The following KCNQ5 variants were observed in gnomAD, a reference collection of about 807,000 sequenced individuals.
The protein encoded by KCNQ5 is potassium voltage-gated channel subfamily KQT member 5.
A neutral mutation model predicts 98.2 loss-of-function variants in KCNQ5; 30 were observed. That is an observed-to-expected ratio of 0.31 (90% confidence interval 0.23 to 0.41). The LOEUF is 0.41. Among genes scored for constraint, KCNQ5 ranks in the 10% least tolerant of loss-of-function variants. KCNQ5 has a pLI of 1.00. For synonymous variants in KCNQ5, 458 were observed against 449.4 expected (o/e 1.02, Z -0.24); for missense variants, 835 against 1,182.5 (o/e 0.71, Z 4.31).
At chr6:72,672,237 T>A (rs1225931715) in intron 1 of KCNQ5, among the ~76,000 whole-genome samples, 2 of 150,494 alleles carry the variant, frequency 1.3e-5, no homozygotes, top group Non-Finnish European at 3.0e-5. Flanking sequence ...TGCCTCAGCC[T>A]CCCAAGTCCA....
At chr6:72,685,189 C>A (rs1187844598) in intron 1 of KCNQ5, among the ~76,000 whole-genome samples, 1 of 152,116 alleles carries the variant, frequency 6.6e-6, no homozygotes, top group Non-Finnish European at 1.5e-5. Context: ...ATTTTAGTAA[C>A]CTGTATTGAA....
At chr6:72,752,149 G>A (rs1343368415) in intron 1 of KCNQ5, among the ~76,000 whole-genome samples, 2 of 152,106 alleles carry the variant, frequency 1.3e-5, no homozygotes, top group Non-Finnish European at 2.9e-5. Context: ...CCCAAATCAG[G>A]TGCTGGGTGT....
chr6:73,025,164 T>A (rs1387186434), intron 2 of KCNQ5, among the ~76,000 whole-genome samples: 1 of 152,244 alleles, frequency 6.6e-6, no homozygotes, highest in African/African-American at 2.4e-5. Context: ...TAATTCTCTC[T>A]ATTGTCATAT....
At chr6:73,132,514 C>T (rs896638393) in intron 9 of KCNQ5, among the ~76,000 whole-genome samples, 3 of 152,194 alleles carry the variant, frequency 2.0e-5, no homozygotes, top group South Asian at 4.1e-4. Flanking sequence ...CCCTAGCCCC[C>T]GTGTGTCTGA....
At chr6:73,156,632 G>GAAAACA (rs56788366) in intron 10 of KCNQ5, among the ~76,000 whole-genome samples, 109,730 of 151,380 alleles carry the variant, frequency 0.72, 40,817 homozygotes, top group East Asian at 0.88. Flanking sequence ...CAAAAAAAAC[G>GAAAACA]AAAACAAAAA....
chr6:72,954,647 C>T (rs890719590), intron 1 of KCNQ5, among the ~76,000 whole-genome samples: 2 of 152,050 alleles, frequency 1.3e-5, no homozygotes, highest in Admixed American at 6.6e-5. Flanking sequence ...GAAAAACTGT[C>T]GCTCTGTAGT....
intron 11 of KCNQ5, among the ~76,000 whole-genome samples, chr6:73,174,527 A>C (rs1369920869): frequency 6.6e-6 from 1 of 152,174 alleles, no homozygotes; most frequent in Non-Finnish European, 1.5e-5. Context: ...CTAGCCTTTT[A>C]GAGAATCAAA....
intron 12 of KCNQ5, among the ~76,000 whole-genome samples, chr6:73,192,300 CAT>C (rs1765620822): frequency 6.6e-6 from 1 of 152,148 alleles, no homozygotes; most frequent in Non-Finnish European, 1.5e-5. Context: ...GAGGTAGAAA[CAT>C]ATTACTTTGT....
chr6:73,159,568 C>T (rs1216041381), intron 10 of KCNQ5, among the ~76,000 whole-genome samples: 2 of 152,174 alleles, frequency 1.3e-5, no homozygotes, highest in African/African-American at 4.8e-5. Context: ...TTTATATTGT[C>T]ACCAGCAATG....
chr6:72,900,432 T>C (rs977186642), intron 1 of KCNQ5, among the ~76,000 whole-genome samples: 1 of 146,020 alleles, frequency 6.8e-6, no homozygotes, highest in Non-Finnish European at 1.5e-5. Flanking sequence ...CTGTGGTATA[T>C]ATATGATATA....
rs930301082 is a variant in KCNQ5 at position 72,721,233 on chromosome 6, G to T, written c.398+98646G>T. 4.6e-5 allele frequency among the ~76,000 whole-genome samples: 7 copies of T among 152,296 alleles called. No homozygotes were observed. In the East Asian group the frequency reaches 1.4e-3, roughly 29 times the overall value. ...TCAGCACATAGTAAGTATTCAGTCA[G>T]TGAGATGTGCAGTTCTTGGATGTCT... On this transcript the variant is annotated intron_variant, in intron 1 of 13. Transcript: ENST00000370398.
intron 1 of KCNQ5, among the ~76,000 whole-genome samples, chr6:72,875,848 T>C (rs1778385162): frequency 6.6e-6 from 1 of 152,106 alleles, no homozygotes; most frequent in African/African-American, 2.4e-5. Flanking sequence ...ATGATTATTT[T>C]AGTGTTTTGA....
chr6:73,061,422 A>G (rs1225154584), intron 3 of KCNQ5, among the ~76,000 whole-genome samples: 1 of 152,218 alleles, frequency 6.6e-6, no homozygotes, highest in African/African-American at 2.4e-5. Flanking sequence ...CCTGGCACAG[A>G]TGAAGTACAG....
At chr6:72,633,617 G>A (rs1027186206) in intron 1 of KCNQ5, among the ~76,000 whole-genome samples, 7 of 152,152 alleles carry the variant, frequency 4.6e-5, no homozygotes, top group African/African-American at 1.7e-4. Context: ...CAAAGCTGGA[G>A]GCATCACTAT....
chr6:72,979,852 A>G (rs1385275598), intron 1 of KCNQ5, among the ~76,000 whole-genome samples: 1 of 152,194 alleles, frequency 6.6e-6, no homozygotes, highest in African/African-American at 2.4e-5. Flanking sequence ...TAATTTTTGT[A>G]TAAGGTGTAA....
chr6:73,077,504 T>C lies in KCNQ5; in HGVS notation c.792+7T>C. 1 of 1,602,004 alleles carries C rather than the reference T, an allele frequency of 6.2e-7. No individual in the cohort carries two copies. Among genetic ancestry groups the C allele is most frequent in the Non-Finnish European group, 8.5e-7 (1 of 1,175,918 alleles). ...GGTTTATGCTCACAGCAAGGTAAGA[T>C]TTGCTCTCTGAATTTAAAAACACAA... On this transcript the variant is annotated splice_region_variant and intron_variant, in intron 4 of 13. Transcript: ENST00000370398.
At chr6:72,952,240 C>T (rs571469031) in intron 1 of KCNQ5, among the ~76,000 whole-genome samples, 7 of 152,334 alleles carry the variant, frequency 4.6e-5, no homozygotes, top group African/African-American at 1.4e-4. Flanking sequence ...TGTGCATGTA[C>T]ACAGACACAC....
intron 1 of KCNQ5, among the ~76,000 whole-genome samples, chr6:72,912,728 G>A (rs538608127): frequency 5.9e-5 from 9 of 152,220 alleles, no homozygotes; most frequent in South Asian, 4.2e-4. Flanking sequence ...CTTCATGACC[G>A]TTGTATCAAA....
chr6:73,173,324 C>CT (rs1369275763), intron 11 of KCNQ5, among the ~76,000 whole-genome samples: 11 of 152,256 alleles, frequency 7.2e-5, no homozygotes, highest in African/African-American at 2.6e-4. Flanking sequence ...TGTTAAGTTT[C>CT]TTTTTATCCA....
Sources: allele counts gnomAD v4.1 joint callset (sites outside exome capture counted in the v4.1 genomes callset), GRCh38; gene constraint gnomAD v4.1.1; transcripts MANE v1.5; gene names NCBI Gene and HGNC (gene_info 2026-07-23, HGNC 2026-07-21).